Variants in ST8SIA4 observed in about 807,000 individuals in gnomAD.
ST8SIA4 encodes the protein CMP-N-acetylneuraminate-poly-alpha-2,8-sialyltransferase.
Under a neutral mutation model 33.9 loss-of-function variants are expected in ST8SIA4, and 15 were observed. The ratio of observed to expected loss-of-function variants is 0.44; its 90% confidence interval spans 0.30 to 0.68. The LOEUF (loss-of-function observed/expected upper bound fraction) is 0.68, where lower values mean the gene tolerates loss of function less well. ST8SIA4 is among the 30% of genes least tolerant of loss of function. The probability of loss-of-function intolerance (pLI) is 0.10; values close to 1 mark genes in which losing one functional copy is unlikely to be tolerated. For synonymous variants in ST8SIA4, 171 were observed against 151.2 expected, an observed-to-expected ratio of 1.13 and a Z score of -0.96; for missense variants, 321 against 428.0, an observed-to-expected ratio of 0.75 and a Z score of 2.21.
intron 3 of ST8SIA4, among the ~76,000 whole-genome samples, chr5:100,873,918 T>C (rs1282920225): frequency 6.6e-6 from 1 of 152,208 alleles, no homozygotes; most frequent in African/African-American, 2.4e-5. Context: ...GAGTAGATTA[T>C]GTAAAAACTT....
At chr5:100,869,337 A>G (rs1237761306) in intron 3 of ST8SIA4, among the ~76,000 whole-genome samples, 1 of 152,122 alleles carries the variant, frequency 6.6e-6, no homozygotes, top group African/African-American at 2.4e-5. Context: ...CTCTAGCCAT[A>G]TTTTGGAAAT....
intron 4 of ST8SIA4, among the ~76,000 whole-genome samples, chr5:100,847,800 G>A (rs1751599574): frequency 6.6e-6 from 1 of 152,002 alleles, no homozygotes; most frequent in African/African-American, 2.4e-5. Flanking sequence ...CATTTAGCTA[G>A]GAATTATGGA....
In ST8SIA4 at chr5:100,834,451, G is replaced by C. The variant is rs138965979; in HGVS notation, c.797+21652C>G. Among the ~76,000 whole-genome samples the C allele has an allele frequency of 5.5e-4, 84 of 152,206 alleles. No homozygotes were observed. The East Asian group carries it at 0.011, about 20-fold the overall frequency. On this transcript the variant is annotated intron_variant, in intron 4 of 4. Transcript: ENST00000231461. ...TAATTGCTAAAAAGGTATTATTATG[G>C]TATTTATTTTATGTTGACAGTTTTG...
chr5:100,844,595 T>C (rs1302896818), intron 4 of ST8SIA4, among the ~76,000 whole-genome samples: 1 of 151,956 alleles, frequency 6.6e-6, no homozygotes, highest in African/African-American at 2.4e-5. Flanking sequence ...AATATTCTTT[T>C]TGATTTATTT....
Position 100,895,736 on chromosome 5 carries a change from T to C in ST8SIA4, c.163A>G (p.Ile55Val). ...ATTGAAGAGCCAGCCTTTCGAATGA[T>C]TTTATCAGAGCTATTGACAAGTGAC... ...SRSLVNSSDK[I>V]IRKAGSSIFQ... Residue 55 changes from isoleucine (I) to valine (V), a missense_variant, in exon 2 of 5, where the codon ATC (isoleucine) becomes GTC (valine). Ile to Val is a conservative substitution (Grantham distance 29). Coordinates refer to ENST00000231461, the MANE Select transcript of ST8SIA4 (RefSeq NM_005668.6). The C allele has an allele frequency of 6.2e-7, 1 of 1,612,892 alleles. No homozygotes were observed. The highest frequency in any genetic ancestry group is 8.5e-7 in the Non-Finnish European group (1 of 1,179,160).
At chr5:100,878,905 G>A (rs1003840652) in intron 3 of ST8SIA4, among the ~76,000 whole-genome samples, 44 of 152,114 alleles carry the variant, frequency 2.9e-4, no homozygotes, top group South Asian at 2.1e-4. Flanking sequence ...TATATTATGT[G>A]GTAGGCAGTA....
intron 4 of ST8SIA4, among the ~76,000 whole-genome samples, chr5:100,832,191 T>C (rs181697553): frequency 2.2e-4 from 33 of 152,230 alleles, no homozygotes; most frequent in African/African-American, 7.7e-4. Context: ...CTTTAGGTTT[T>C]ATTTAATTAA....
At chr5:100,879,197 TA>T (rs1162235176) in intron 3 of ST8SIA4, among the ~76,000 whole-genome samples, 1 of 152,164 alleles carries the variant, frequency 6.6e-6, no homozygotes, top group African/African-American at 2.4e-5. Flanking sequence ...TAGTTCTTAT[TA>T]AGTAATCTTT....
rs1752229270 is a variant in ST8SIA4 at position 100,872,932 on chromosome 5, A to G, written c.503+13411T>C. Among the ~76,000 whole-genome samples, 4 of 151,580 alleles carry G rather than the reference A, an allele frequency of 2.6e-5. No homozygotes were observed. The South Asian group carries it at 8.3e-4, about 32-fold the overall frequency. On this transcript the variant is annotated intron_variant, in intron 3 of 4. Transcript: ENST00000231461. ...GGGAGCTCCAGCGTGCCTAGGGCATATTGTCTAGGCCAGCACATCTCAAGC... is the reference window on the plus strand; with the variant it reads ...GGGAGCTCCAGCGTGCCTAGGGCATGTTGTCTAGGCCAGCACATCTCAAGC...
chr5:100,890,074 G>A (rs904535626), intron 2 of ST8SIA4, among the ~76,000 whole-genome samples: 144 of 151,690 alleles, frequency 9.5e-4, no homozygotes, highest in African/African-American at 3.2e-3. Flanking sequence ...GGTCTTCTAC[G>A]TATGGAAAAT....
At chr5:100,902,557 G>A (rs1037083854) in intron 1 of ST8SIA4, among the ~76,000 whole-genome samples, 1 of 152,170 alleles carries the variant, frequency 6.6e-6, no homozygotes, top group African/African-American at 2.4e-5. Context: ...AAGGACACAC[G>A]TTCTTTGTTG....
At chr5:100,841,699 T>A (rs1751474832) in intron 4 of ST8SIA4, among the ~76,000 whole-genome samples, 1 of 151,860 alleles carries the variant, frequency 6.6e-6, no homozygotes, top group Non-Finnish European at 1.5e-5. Flanking sequence ...CTAGACACCC[T>A]CCACTGGTAA....
At chr5:100,834,209 A>G (rs1751318196) in intron 4 of ST8SIA4, among the ~76,000 whole-genome samples, 1 of 152,160 alleles carries the variant, frequency 6.6e-6, no homozygotes, top group Non-Finnish European at 1.5e-5. Context: ...GTAGAAGAAT[A>G]AAAGAATAAT....
Position 100,903,038 on chromosome 5 carries a change from CG to C in ST8SIA4, c.-84del. On this transcript the variant is annotated 5_prime_UTR_variant, in exon 1 of 5. Transcript: ENST00000231461. ...AGGCTCCGTTTTGGGGAGATAGTCG[CG>C]GGGGTGAAATCTGTAAAATGCGAGG... 1 of 984,022 alleles carries C rather than the reference CG, an allele frequency of 1.0e-6. No homozygotes were observed. Among genetic ancestry groups the C allele is most frequent in the Non-Finnish European group, 1.6e-6 (1 of 623,158 alleles). 61.0% of individuals were successfully genotyped at this position (984,022 alleles called of 1,614,324 possible).
chr5:100,818,162 G>A (rs1358532673), intron 4 of ST8SIA4, among the ~76,000 whole-genome samples: 2 of 152,060 alleles, frequency 1.3e-5, no homozygotes, highest in Non-Finnish European at 2.9e-5. Flanking sequence ...ACATATATCT[G>A]GCTATAACTA....
chr5:100,858,100 G>A (rs1275934103), intron 3 of ST8SIA4, among the ~76,000 whole-genome samples: 2 of 151,894 alleles, frequency 1.3e-5, no homozygotes, highest in East Asian at 3.9e-4. Context: ...TGGAACTCAA[G>A]GAAGATCAAG....
intron 4 of ST8SIA4, among the ~76,000 whole-genome samples, chr5:100,827,747 C>T (rs1751174371): frequency 6.6e-6 from 1 of 152,130 alleles, no homozygotes; most frequent in African/African-American, 2.4e-5. Flanking sequence ...ACAAACTGCA[C>T]GTGTGGTCAT....
intron 3 of ST8SIA4, among the ~76,000 whole-genome samples, chr5:100,864,466 T>A (rs570827776): frequency 6.6e-6 from 1 of 151,498 alleles, no homozygotes; most frequent in East Asian, 1.9e-4. Flanking sequence ...TCCCAGCCAC[T>A]TGGGAGGCTG....
At chr5:100,874,092 G>GAC (rs573581470) in intron 3 of ST8SIA4, among the ~76,000 whole-genome samples, 149 of 152,212 alleles carry the variant, frequency 9.8e-4, no homozygotes, top group Non-Finnish European at 1.9e-3. Flanking sequence ...GGTTTTGAAA[G>GAC]ACACTTTATA....
Sources: gnomAD v4.1 joint callset for allele counts (sites outside exome capture counted in the v4.1 genomes callset) on GRCh38, gnomAD v4.1.1 for gene constraint, MANE v1.5 for transcripts, NCBI Gene and HGNC (gene_info 2026-07-23, HGNC 2026-07-21) for gene names.